Variants in DIP2C observed in about 807,000 individuals in gnomAD.
DIP2C encodes DIP2 acetate--CoA ligase C (putative).
A neutral mutation model predicts 192.4 loss-of-function variants in DIP2C; 33 were observed. That is an observed-to-expected ratio of 0.17 (90% confidence interval 0.13 to 0.23). The LOEUF (loss-of-function observed/expected upper bound fraction) is 0.23, where lower values mean the gene tolerates loss of function less well. DIP2C is among the 10% of genes least tolerant of loss of function. The pLI is 1.00. For missense variants in DIP2C, 1,537 were observed against 2,110.1 expected (o/e 0.73, Z 5.32); for synonymous variants, 979 against 864.1 (o/e 1.13, Z -2.33).
At chr10:618,727 G>A (rs1023090052) in intron 1 of DIP2C, among the ~76,000 whole-genome samples, 2 of 152,224 alleles carry the variant, frequency 1.3e-5, no homozygotes, top group African/African-American at 2.4e-5. Context: ...GCCTCTGCCA[G>A]ATCAGGATAA....
At chr10:575,088 A>C (rs1421780964) in intron 1 of DIP2C, among the ~76,000 whole-genome samples, 1 of 152,158 alleles carries the variant, frequency 6.6e-6, no homozygotes, top group East Asian at 1.9e-4. Flanking sequence ...AATAGACAGA[A>C]GGAACTAAAG....
At chr10:488,287 T>C (rs1588275351) in intron 1 of DIP2C, among the ~76,000 whole-genome samples, 1 of 152,174 alleles carries the variant, frequency 6.6e-6, no homozygotes, top group East Asian at 1.9e-4. Flanking sequence ...GGAGACACGC[T>C]CTGTGCTCAC....
chr10:480,205 T>C (rs1439968470), intron 2 of DIP2C, among the ~76,000 whole-genome samples: 1 of 146,968 alleles, frequency 6.8e-6, no homozygotes, highest in Non-Finnish European at 1.5e-5. Flanking sequence ...TGGATGAGGG[T>C]CTCATCCACC....
intron 4 of DIP2C, among the ~76,000 whole-genome samples, chr10:426,307 C>A (rs1183630139): frequency 6.6e-6 from 1 of 151,498 alleles, no homozygotes; most frequent in African/African-American, 2.4e-5. Flanking sequence ...AATGTGTACA[C>A]TGACAACTAT....
chr10:351,691 G>A (rs1958818953), intron 24 of DIP2C, among the ~76,000 whole-genome samples: 1 of 152,338 alleles, frequency 6.6e-6, no homozygotes, highest in Non-Finnish European at 1.5e-5. Context: ...AAGGAACGCA[G>A]GGCTGGAGTC....
intron 1 of DIP2C, among the ~76,000 whole-genome samples, chr10:642,708 G>C (rs1003958217): frequency 6.6e-6 from 1 of 152,204 alleles, no homozygotes; most frequent in Non-Finnish European, 1.5e-5. Flanking sequence ...ACCGGCACCG[G>C]GGTCTCACAG....
intron 1 of DIP2C, among the ~76,000 whole-genome samples, chr10:490,714 G>A (rs977874417): frequency 7.2e-5 from 11 of 152,070 alleles, no homozygotes; most frequent in Non-Finnish European, 1.0e-4. Context: ...TGTAACCTCA[G>A]TGAGAAAAAT....
At chr10:618,037 G>A (rs1046045644) in intron 1 of DIP2C, among the ~76,000 whole-genome samples, 5 of 152,176 alleles carry the variant, frequency 3.3e-5, no homozygotes, top group South Asian at 2.1e-4. Flanking sequence ...GTCCCACTCT[G>A]TGATTGTGTG....
At chr10:364,883 C>A in intron 19 of DIP2C, 1 of 621,762 alleles carries the variant, frequency 1.6e-6, no homozygotes, top group Non-Finnish European at 3.1e-6. Context: ...GGCCAATCAG[C>A]AGTAACTGAT....
intron 24 of DIP2C, among the ~76,000 whole-genome samples, chr10:350,320 C>G (rs1434030605): frequency 1.3e-5 from 2 of 152,122 alleles, no homozygotes; most frequent in Non-Finnish European, 2.9e-5. Flanking sequence ...CTCGTGGCCT[C>G]AAGTGATCTT....
intron 3 of DIP2C, among the ~76,000 whole-genome samples, chr10:454,760 C>T (rs1365597818): frequency 6.7e-6 from 1 of 148,380 alleles, no homozygotes; most frequent in Non-Finnish European, 1.5e-5. Flanking sequence ...CCTCTATGCT[C>T]GATGTCATTA....
At chr10:344,258 G>A (rs999888247) in intron 28 of DIP2C, among the ~76,000 whole-genome samples, 7 of 152,222 alleles carry the variant, frequency 4.6e-5, no homozygotes, top group African/African-American at 1.2e-4. Context: ...TAGCTACTTT[G>A]GTATTCCACC....
intron 1 of DIP2C, among the ~76,000 whole-genome samples, chr10:523,366 ACT>A (rs1278326595): frequency 2.2e-5 from 3 of 139,148 alleles, no homozygotes; most frequent in African/African-American, 5.7e-5. Flanking sequence ...CGATGCAGGG[ACT>A]CTGTGTCACC....
intron 1 of DIP2C, among the ~76,000 whole-genome samples, chr10:514,973 C>A (rs925010066): frequency 6.6e-6 from 1 of 152,180 alleles, no homozygotes; most frequent in African/African-American, 2.4e-5. Flanking sequence ...TTTATACAAG[C>A]TAAAAACAAT....
intron 4 of DIP2C, among the ~76,000 whole-genome samples, chr10:425,908 G>A (rs1398271945): frequency 2.0e-5 from 3 of 152,222 alleles, no homozygotes; most frequent in Admixed American, 6.5e-5. Flanking sequence ...GGCTAATAGT[G>A]TATTTAATGG....
chr10:595,569 C>T lies in DIP2C; in HGVS notation c.85+93925G>A, dbSNP rs1368682748. Reference sequence around the variant, plus strand: ...CTGAAAGAATGAAATGATTTTGCATCTACCTTGAAGCCTTTTTAGAACAAG... The same window carrying T: ...CTGAAAGAATGAAATGATTTTGCATTTACCTTGAAGCCTTTTTAGAACAAG... On this transcript the variant is annotated intron_variant, in intron 1 of 36. Transcript: ENST00000280886. Among the ~76,000 whole-genome samples, 4 of 152,280 alleles carry T rather than the reference C, an allele frequency of 2.6e-5. No individual in the cohort carries two copies. The East Asian group carries it at 7.7e-4, about 29-fold the overall frequency.
chr10:658,331 C>T (rs1404116138), intron 1 of DIP2C, among the ~76,000 whole-genome samples: 2 of 145,364 alleles, frequency 1.4e-5, no homozygotes, highest in Non-Finnish European at 1.5e-5. Context: ...CTGGACCTGA[C>T]ACTGGACCTG....
chr10:367,164 T>C (rs567175052), intron 18 of DIP2C, among the ~76,000 whole-genome samples: 1 of 152,314 alleles, frequency 6.6e-6, no homozygotes, highest in South Asian at 2.1e-4. Flanking sequence ...ACGCCTGTAA[T>C]CCCAGTACTT....
chr10:285,184 G>A (rs921993073), intron 34 of DIP2C, among the ~76,000 whole-genome samples: 61 of 147,596 alleles, frequency 4.1e-4, no homozygotes, highest in African/African-American at 1.4e-3. Context: ...CAAGGCCCAA[G>A]AAGCAAAGCA....
Sources: allele counts gnomAD v4.1 joint callset (sites outside exome capture counted in the v4.1 genomes callset), GRCh38; gene constraint gnomAD v4.1.1; transcripts MANE v1.5; gene names NCBI Gene and HGNC (gene_info 2026-07-23, HGNC 2026-07-21).